The following HPSE2 variants were observed in gnomAD, a reference collection of about 807,000 sequenced individuals.
HPSE2 encodes the protein heparanase 2 (inactive).
A neutral mutation model predicts 60.5 loss-of-function variants in HPSE2; 38 were observed. The ratio of observed to expected loss-of-function variants is 0.63; its 90% CI spans 0.48 to 0.82. The LOEUF is 0.82. HPSE2 is among the 40% of genes least tolerant of loss of function. The pLI is 0.00. For missense variants in HPSE2, 713 were observed against 740.4 expected, an observed-to-expected ratio of 0.96 and a Z score of 0.43; for synonymous variants, 295 against 293.2, an observed-to-expected ratio of 1.01 and a Z score of -0.06.
chr10:99,099,473 G>A (rs1843858625), intron 3 of HPSE2, among the ~76,000 whole-genome samples: 1 of 152,236 alleles, frequency 6.6e-6, no homozygotes, highest in South Asian at 2.1e-4. Flanking sequence ...TGAGGCTTGG[G>A]TAGGTAAACA....
At chr10:98,583,220 T>G (rs1944852172) in intron 9 of HPSE2, among the ~76,000 whole-genome samples, 1 of 152,146 alleles carries the variant, frequency 6.6e-6, no homozygotes, top group South Asian at 2.1e-4. Context: ...ACTTTGTAAC[T>G]TCACTTCATC....
chr10:98,800,132 C>T (rs945433234), intron 3 of HPSE2, among the ~76,000 whole-genome samples: 1 of 151,912 alleles, frequency 6.6e-6, no homozygotes, highest in Admixed American at 6.6e-5. Context: ...CTTCAGGAGG[C>T]TGTGGTGGGC....
chr10:99,008,180 T>C (rs760887065), intron 3 of HPSE2, among the ~76,000 whole-genome samples: 6 of 152,234 alleles, frequency 3.9e-5, no homozygotes, highest in Non-Finnish European at 8.8e-5. Context: ...TGTGTTTATC[T>C]GCAAAAGTTT....
the HPSE2 span, among the ~76,000 whole-genome samples, chr10:99,254,237 G>A: frequency 0.51 from 78,189 of 152,000 alleles, 23,257 homozygotes; most frequent in East Asian, 0.66. Context: ...CAGCCATAAA[G>A]AAAACAAAAT....
intron 11 of HPSE2, among the ~76,000 whole-genome samples, chr10:98,460,377 AG>A (rs1354981744): frequency 1.5e-4 from 5 of 34,476 alleles, no homozygotes; most frequent in Non-Finnish European, 2.8e-4. Flanking sequence ...CTATAATCTC[AG>A]CATTTTGGGA....
chr10:98,545,398 A>G (rs1453723498), intron 9 of HPSE2, among the ~76,000 whole-genome samples: 1 of 152,222 alleles, frequency 6.6e-6, no homozygotes, highest in East Asian at 1.9e-4. Context: ...TGATGCAAAA[A>G]TCCTCAATAA....
chr10:98,656,745 T>C (rs1383229633), intron 6 of HPSE2, among the ~76,000 whole-genome samples: 1 of 151,578 alleles, frequency 6.6e-6, no homozygotes, highest in African/African-American at 2.4e-5. Context: ...CACAAGAGAA[T>C]AGAATCAGCT....
At chr10:98,964,352 T>C (rs563421304) in intron 3 of HPSE2, among the ~76,000 whole-genome samples, 1 of 152,292 alleles carries the variant, frequency 6.6e-6, no homozygotes, top group African/African-American at 2.4e-5. Context: ...TGGAATTAAA[T>C]TGAACTACTT....
At chr10:98,705,283 T>C (rs11189762) in intron 5 of HPSE2, among the ~76,000 whole-genome samples, 28,298 of 152,104 alleles carry the variant, frequency 0.19, 3,048 homozygotes, top group East Asian at 0.39. Flanking sequence ...TGCGGAGAAA[T>C]AGGAATGCTT....
At chr10:98,885,957 G>T (rs1953151497) in intron 3 of HPSE2, among the ~76,000 whole-genome samples, 1 of 152,028 alleles carries the variant, frequency 6.6e-6, no homozygotes, top group Admixed American at 6.6e-5. Context: ...AAGTTTAGAT[G>T]AAGGGCCAGC....
chr10:99,088,730 T>G (rs184578524), intron 3 of HPSE2, among the ~76,000 whole-genome samples: 1 of 152,212 alleles, frequency 6.6e-6, no homozygotes, highest in Non-Finnish European at 1.5e-5. Flanking sequence ...AGGAGTGGGA[T>G]TGCTGGATCA....
chr10:99,208,761 CA>C (rs1848853270), intron 2 of HPSE2, among the ~76,000 whole-genome samples: 2 of 151,600 alleles, frequency 1.3e-5, no homozygotes, highest in African/African-American at 4.8e-5. Flanking sequence ...ATGCTGCCTA[CA>C]AGAGACTTAC....
chr10:98,931,119 T>C lies in HPSE2; in HGVS notation c.611-187063A>G, dbSNP rs375889060. On this transcript the variant is annotated intron_variant, in intron 3 of 11. Transcript: ENST00000370552. The stretch of plus-strand genomic sequence containing the variant: ...GGTTTTCGGTTTTACATTTAAGTCT[T>C]TAATCCATCTTGAGTTAATTTTTGT... Among the ~76,000 whole-genome samples the C allele has an allele frequency of 5.5e-5, 8 of 144,264 alleles. No homozygotes were observed. The East Asian group carries it at 9.8e-4, about 18-fold the overall frequency. 94.6% of individuals were successfully genotyped at this position (144,264 alleles called of 152,430 possible).
intron 9 of HPSE2, among the ~76,000 whole-genome samples, chr10:98,614,591 C>T (rs985836853): frequency 1.3e-5 from 2 of 152,154 alleles, no homozygotes; most frequent in Non-Finnish European, 1.5e-5. Context: ...CGTGCCCGGC[C>T]TGGATTGTTA....
chr10:98,779,536 C>G (rs995383224), intron 3 of HPSE2, among the ~76,000 whole-genome samples: 1 of 152,162 alleles, frequency 6.6e-6, no homozygotes, highest in East Asian at 1.9e-4. Flanking sequence ...TGTATTTACA[C>G]ACACCATGGG....
intron 3 of HPSE2, among the ~76,000 whole-genome samples, chr10:98,992,661 C>T (rs1387250632): frequency 2.0e-5 from 3 of 152,098 alleles, no homozygotes; most frequent in Non-Finnish European, 4.4e-5. Flanking sequence ...AAATTATATA[C>T]AAAAAATAGC....
At position 98,882,965 on chromosome 10, in the gene HPSE2, C is replaced by T. The variant is rs563054879; in HGVS notation, c.611-138909G>A. The stretch of plus-strand genomic sequence containing the variant: ...GATTTGAACCTTCAGAGTATGATGC[C>T]GAAGATTGTATACTTTATCAGTCTG... On this transcript the variant is annotated intron_variant, in intron 3 of 11. Coordinates refer to ENST00000370552, the MANE Select transcript of HPSE2 (RefSeq NM_021828.5). 2.0e-4 allele frequency among the ~76,000 whole-genome samples: 31 copies of T among 152,100 alleles called. No homozygotes were observed. In the South Asian group the frequency reaches 5.0e-3, roughly 24 times the overall value.
intron 3 of HPSE2, among the ~76,000 whole-genome samples, chr10:99,067,997 CA>C (rs1259837826): frequency 6.6e-6 from 1 of 152,168 alleles, no homozygotes; most frequent in Non-Finnish European, 1.5e-5. Context: ...ATCTCTAAGG[CA>C]GGGGGAAAAT....
At chr10:98,868,008 G>T (rs1300868195) in intron 3 of HPSE2, among the ~76,000 whole-genome samples, 1 of 151,824 alleles carries the variant, frequency 6.6e-6, no homozygotes, top group African/African-American at 2.4e-5. Flanking sequence ...GTTGCAGTGA[G>T]CCGAGATCGT....
Sources: gnomAD v4.1 joint callset for allele counts (sites outside exome capture counted in the v4.1 genomes callset) on GRCh38, gnomAD v4.1.1 for gene constraint, MANE v1.5 for transcripts, NCBI Gene and HGNC (gene_info 2026-07-23, HGNC 2026-07-21) for gene names.